Variants in RYR2 observed in about 807,000 individuals in gnomAD.
RYR2 encodes cardiac muscle ryanodine receptor-calcium release channel.
A neutral mutation model predicts 601.1 loss-of-function variants in RYR2; 227 were observed. That is an observed-to-expected ratio of 0.38 (90% CI 0.34 to 0.42). The LOEUF is 0.42. RYR2 is among the 10% of genes least tolerant of loss of function. The pLI is 1.00. For synonymous variants in RYR2, 2,223 were observed against 2,175.1 expected, an observed-to-expected ratio of 1.02 and a Z score of -0.61; for missense variants, 4,646 against 6,156.5, an observed-to-expected ratio of 0.75 and a Z score of 8.21.
rs143417919 is a variant in RYR2, at chr1:237,522,379, G to A, written c.2823-8048G>A. Among the ~76,000 whole-genome samples, 552 of 152,366 alleles carry A rather than the reference G, an allele frequency of 3.6e-3. 4 individuals carry two copies. The highest frequency in any genetic ancestry group is 0.013 in the African/African-American group (532 of 41,586). On this transcript the variant is annotated intron_variant, in intron 24 of 104. Transcript: ENST00000366574. Reference sequence around the variant, plus strand: ...TGTGTTGGGCCACATTCAAAGAGCTGTCCTAGGCCGCATGTAGCCCGCAGG... The same window carrying A: ...TGTGTTGGGCCACATTCAAAGAGCTATCCTAGGCCGCATGTAGCCCGCAGG...
chr1:237,047,604 C>T (rs987243553), intron 1 of RYR2, among the ~76,000 whole-genome samples: 2 of 152,114 alleles, frequency 1.3e-5, no homozygotes, highest in Non-Finnish European at 2.9e-5. Context: ...CAGGATGTTG[C>T]CAGTAACTCC....
chr1:237,375,693 A>G (rs1033944781), intron 7 of RYR2, among the ~76,000 whole-genome samples: 1 of 152,210 alleles, frequency 6.6e-6, no homozygotes, highest in African/African-American at 2.4e-5. Context: ...CCAGAAAGAT[A>G]AATAAATATA....
intron 97 of RYR2, among the ~76,000 whole-genome samples, chr1:237,798,519 G>A (rs1340441122): frequency 1.3e-5 from 2 of 151,988 alleles, no homozygotes; most frequent in Non-Finnish European, 2.9e-5. Context: ...ATTCCTGTTT[G>A]AAAAAACGTT....
At chr1:237,605,488 A>G (rs1677017457) in intron 35 of RYR2, among the ~76,000 whole-genome samples, 1 of 152,168 alleles carries the variant, frequency 6.6e-6, no homozygotes, top group Admixed American at 6.5e-5. Flanking sequence ...CAAAAACTGG[A>G]AGCATTCCCT....
chr1:237,768,854 C>T (rs1376263450), intron 84 of RYR2, among the ~76,000 whole-genome samples: 1 of 152,168 alleles, frequency 6.6e-6, no homozygotes, highest in Admixed American at 6.5e-5. Flanking sequence ...TGACTCGTCC[C>T]CTCCCTAACC....
intron 1 of RYR2, among the ~76,000 whole-genome samples, chr1:237,090,133 G>A (rs545202697): frequency 6.6e-6 from 1 of 152,192 alleles, no homozygotes; most frequent in South Asian, 2.1e-4. Context: ...CAGCATGGGG[G>A]AAACCGCCCC....
intron 29 of RYR2, among the ~76,000 whole-genome samples, chr1:237,576,850 T>C (rs912243744): frequency 1.3e-5 from 2 of 152,108 alleles, no homozygotes; most frequent in South Asian, 4.1e-4. Context: ...AGAGGGACAA[T>C]AAACGTGTGA....
chr1:237,627,919 C>T lies in RYR2; in HGVS notation c.6279C>T (p.Asp2093=), dbSNP rs771328006. 27 of 1,613,686 alleles carry T rather than the reference C, an allele frequency of 1.7e-5. No individual in the cohort carries two copies. The highest frequency in any genetic ancestry group is 2.2e-5 in the East Asian group (1 of 44,856). The change falls in exon 41 of 105, where the codon GAC becomes GAT. Residue 2093 remains aspartate (D), a synonymous_variant. Coordinates refer to ENST00000366574, the MANE Select transcript of RYR2 (RefSeq NM_001035.3). ...TTGTGTTGCTCCATCGGCAGTATGA[C>T]GGCATTGGGGGTCTTGTTCGGGCCC... ...AMFVLLHRQY[D]GIGGLVRALP...
At chr1:237,292,201 C>T (rs1273842433) in intron 2 of RYR2, among the ~76,000 whole-genome samples, 2 of 152,142 alleles carry the variant, frequency 1.3e-5, no homozygotes, top group East Asian at 3.9e-4. Context: ...ACTGTATATA[C>T]AGTGAAACTG....
At chr1:237,216,463 AGCGGTGGCTCAT>A (rs962393292) in intron 1 of RYR2, among the ~76,000 whole-genome samples, 6 of 152,060 alleles carry the variant, frequency 3.9e-5, no homozygotes, top group Admixed American at 3.9e-4. Flanking sequence ...ATGGGCTAGG[AGCGGTGGCTCAT>A]GCCTGTAATC....
chr1:237,042,464 C>T lies in RYR2; in HGVS notation c.-58C>T, dbSNP rs1660021979. Reference sequence around the variant, plus strand: ...AGCAGAAGGCAGCGCCAGGGGCCGCCGCCGCCGCCGAGCTCCGCGGGGCTC... The same window carrying T: ...AGCAGAAGGCAGCGCCAGGGGCCGCTGCCGCCGCCGAGCTCCGCGGGGCTC... On this transcript the variant is annotated 5_prime_UTR_variant, in exon 1 of 105. Transcript: ENST00000366574. 7.3e-6 allele frequency: 9 copies of T among 1,235,400 alleles called. No individual in the cohort carries two copies. The highest frequency in any genetic ancestry group is 9.2e-6 in the Non-Finnish European group (9 of 980,062). The allele number at this position is 1,235,400 out of a possible 1,614,324, so 76.5% of individuals were successfully genotyped here. A position where few individuals can be genotyped will look rare whatever the true frequency, so the allele number is the denominator to read the frequency against.
chr1:237,385,252 C>T lies in RYR2; in HGVS notation c.577-2029C>T, dbSNP rs1701875120. 2.0e-5 allele frequency among the ~76,000 whole-genome samples: 3 copies of T among 151,928 alleles called. 1 individual carries two copies. In the South Asian group the frequency reaches 6.2e-4, roughly 32 times the overall value. On this transcript the variant is annotated intron_variant, in intron 8 of 104. Coordinates refer to ENST00000366574, the MANE Select transcript of RYR2 (RefSeq NM_001035.3). ...TATTGGTACAAAATATCACATGTAG[C>T]CCATAAATATGTATATATTTTACAT...
At chr1:237,060,095 T>G (rs1233995781) in intron 1 of RYR2, among the ~76,000 whole-genome samples, 1 of 152,176 alleles carries the variant, frequency 6.6e-6, no homozygotes, top group Non-Finnish European at 1.5e-5. Context: ...CTACATCCAG[T>G]CTACATTTTT....
chr1:237,513,792 A>G (rs1355015713), intron 24 of RYR2, among the ~76,000 whole-genome samples: 1 of 152,204 alleles, frequency 6.6e-6, no homozygotes, highest in Non-Finnish European at 1.5e-5. Context: ...GTTTGTACGA[A>G]TATACTCTAT....
chr1:237,060,096 C>T (rs1662656372), intron 1 of RYR2, among the ~76,000 whole-genome samples: 1 of 152,160 alleles, frequency 6.6e-6, no homozygotes, highest in Non-Finnish European at 1.5e-5. Flanking sequence ...TACATCCAGT[C>T]TACATTTTTC....
intron 3 of RYR2, among the ~76,000 whole-genome samples, chr1:237,350,203 A>C (rs1459965792): frequency 6.6e-6 from 1 of 152,130 alleles, no homozygotes; most frequent in Non-Finnish European, 1.5e-5. Flanking sequence ...GTCTTACAGA[A>C]AGAGTAAAAG....
At chr1:237,596,768 C>A (rs1824858) in intron 34 of RYR2, among the ~76,000 whole-genome samples, 77,014 of 151,966 alleles carry the variant, frequency 0.51, 19,864 homozygotes, top group East Asian at 0.67. Flanking sequence ...GAGAGAATAG[C>A]ACCAAGTCAT....
intron 90 of RYR2, 143 bp downstream of exon 90, chr1:237,785,115 G>C: frequency 1.5e-6 from 1 of 685,982 alleles, no homozygotes; most frequent in Non-Finnish European, 2.6e-6. Flanking sequence ...CTTTTTGGTA[G>C]ACAAAGTTAG....
chr1:237,388,641 A>T (rs1012599713), intron 10 of RYR2, among the ~76,000 whole-genome samples: 1 of 152,164 alleles, frequency 6.6e-6, no homozygotes, highest in African/African-American at 2.4e-5. Context: ...ACTTTCTCTC[A>T]TATTTAATCT....
Sources: gnomAD v4.1 joint callset for allele counts (sites outside exome capture counted in the v4.1 genomes callset) on GRCh38, gnomAD v4.1.1 for gene constraint, MANE v1.5 for transcripts, NCBI Gene and HGNC (gene_info 2026-07-23, HGNC 2026-07-21) for gene names.